Variants in LAPTM4B observed in about 807,000 individuals in gnomAD.
LAPTM4B encodes lysosomal protein transmembrane 4 beta.
LAPTM4B carries 26 observed loss-of-function variants against 28.5 expected under a neutral mutation model. The ratio of observed to expected loss-of-function variants is 0.91; its 90% CI spans 0.67 to 1.27. The LOEUF is 1.27. Among genes scored for constraint, LAPTM4B ranks in the 50% most tolerant of loss-of-function variants. LAPTM4B has a pLI of 0.00. For missense variants in LAPTM4B, 288 were observed against 285.8 expected (o/e 1.01, Z -0.06); for synonymous variants, 109 against 106.4 (o/e 1.02, Z -0.15).
chr8:97,789,588 T>C (rs1816467076), intron 1 of LAPTM4B, among the ~76,000 whole-genome samples: 1 of 150,908 alleles, frequency 6.6e-6, no homozygotes. Context: ...AGTGCAATGG[T>C]GTGATCTCGG....
chr8:97,780,900 C>T (rs1028366498), intron 1 of LAPTM4B, among the ~76,000 whole-genome samples: 2 of 151,724 alleles, frequency 1.3e-5, no homozygotes, highest in Non-Finnish European at 2.9e-5. Flanking sequence ...TTCTGGGCCA[C>T]GCTAACTTTG....
At chr8:97,831,847 G>C (rs148836302) in intron 6 of LAPTM4B, among the ~76,000 whole-genome samples, 1 of 152,266 alleles carries the variant, frequency 6.6e-6, no homozygotes, top group Non-Finnish European at 1.5e-5. Flanking sequence ...ATGTTTTTTG[G>C]TGCCCTTTGC....
At chr8:97,813,401 A>C (rs1281981351) in intron 2 of LAPTM4B, among the ~76,000 whole-genome samples, 1 of 152,248 alleles carries the variant, frequency 6.6e-6, no homozygotes, top group Non-Finnish European at 1.5e-5. Flanking sequence ...TACCTGCTTT[A>C]TTCTAGCCAG....
chr8:97,828,873 C>T (rs1002438438), intron 6 of LAPTM4B, among the ~76,000 whole-genome samples: 6 of 152,182 alleles, frequency 3.9e-5, no homozygotes, highest in South Asian at 2.1e-4. Flanking sequence ...GGGAATTCAT[C>T]GAATGACTCT....
chr8:97,795,476 T>C (rs1370005446), intron 1 of LAPTM4B, among the ~76,000 whole-genome samples: 1 of 152,180 alleles, frequency 6.6e-6, no homozygotes, highest in Non-Finnish European at 1.5e-5. Flanking sequence ...AAGCTATCAC[T>C]AAGCAAAGAC....
chr8:97,842,905 GTC>G (rs1817374493), intron 6 of LAPTM4B, among the ~76,000 whole-genome samples: 1 of 150,470 alleles, frequency 6.6e-6, no homozygotes, highest in Non-Finnish European at 1.5e-5. Flanking sequence ...TAAAGACAGA[GTC>G]TCACGCTCTC....
At chr8:97,790,474 G>T (rs1043298940) in intron 1 of LAPTM4B, among the ~76,000 whole-genome samples, 1 of 151,550 alleles carries the variant, frequency 6.6e-6, no homozygotes, top group African/African-American at 2.4e-5. Flanking sequence ...ACCATGCCTG[G>T]CTAATTTTTG....
At chr8:97,781,695 C>T (rs1300982483) in intron 1 of LAPTM4B, among the ~76,000 whole-genome samples, 1 of 152,188 alleles carries the variant, frequency 6.6e-6, no homozygotes, top group Non-Finnish European at 1.5e-5. Context: ...CCCAGTTAAT[C>T]CCTGCCATAT....
chr8:97,851,625 T>C lies in LAPTM4B; in HGVS notation c.*151T>C. 1.5e-6 allele frequency: 1 copy of C among 647,536 alleles called. No homozygotes were observed. The highest frequency in any genetic ancestry group is 2.7e-6 in the Non-Finnish European group (1 of 364,102). The allele number at this position is 647,536 out of a possible 1,614,324, so 40.1% of individuals were successfully genotyped here. A position where few individuals can be genotyped will look rare whatever the true frequency, so the allele number is the denominator to read the frequency against. On this transcript the variant is annotated 3_prime_UTR_variant, in exon 7 of 7. Coordinates refer to ENST00000521545, the MANE Select transcript of LAPTM4B (RefSeq NM_018407.6). ...AATTTAGATGTTAGATTGAAAACTG[T>C]AGTTTTCAACATATGCTTTGCTGGA...
intron 6 of LAPTM4B, among the ~76,000 whole-genome samples, chr8:97,841,750 T>A (rs1269033313): frequency 6.6e-6 from 1 of 152,052 alleles, no homozygotes. Flanking sequence ...CTTCCCTGTT[T>A]GGCTTAAGTA....
At chr8:97,835,322 T>A (rs1817244030) in intron 6 of LAPTM4B, among the ~76,000 whole-genome samples, 1 of 152,122 alleles carries the variant, frequency 6.6e-6, no homozygotes, top group Admixed American at 6.5e-5. Flanking sequence ...GTATACATAT[T>A]ATTATCCAGA....
intron 5 of LAPTM4B, among the ~76,000 whole-genome samples, chr8:97,821,205 G>A (rs1037617087): frequency 4.6e-5 from 7 of 151,974 alleles, no homozygotes; most frequent in East Asian, 2.0e-4. Context: ...GCATGGTGGC[G>A]GGCGCCTGTA....
At chr8:97,807,462 A>T (rs551076026) in intron 2 of LAPTM4B, among the ~76,000 whole-genome samples, 2 of 152,298 alleles carry the variant, frequency 1.3e-5, no homozygotes, top group South Asian at 4.1e-4. Context: ...AGTGCGTAAA[A>T]CATGCTTAGA....
intron 6 of LAPTM4B, among the ~76,000 whole-genome samples, chr8:97,849,883 G>C (rs1466100674): frequency 6.7e-6 from 1 of 148,340 alleles, no homozygotes; most frequent in African/African-American, 2.6e-5. Flanking sequence ...TGCTCCCCAG[G>C]GCCCAGTGCG....
intron 1 of LAPTM4B, among the ~76,000 whole-genome samples, chr8:97,795,586 C>A (rs1321097918): frequency 2.6e-5 from 4 of 152,112 alleles, no homozygotes; most frequent in Non-Finnish European, 5.9e-5. Context: ...GGCGTGGTGG[C>A]TCACACCTGT....
intron 6 of LAPTM4B, among the ~76,000 whole-genome samples, chr8:97,844,076 G>A (rs1817392731): frequency 6.7e-6 from 1 of 150,018 alleles, no homozygotes; most frequent in Non-Finnish European, 1.5e-5. Context: ...GTCTTATTTT[G>A]CGTGATGATT....
intron 2 of LAPTM4B, among the ~76,000 whole-genome samples, chr8:97,809,045 C>T (rs1228523511): frequency 6.6e-6 from 1 of 152,078 alleles, no homozygotes. Flanking sequence ...ACCACAAAGG[C>T]ACTGGAATTA....
At chr8:97,824,236 A>G (rs1339964924) in intron 5 of LAPTM4B, among the ~76,000 whole-genome samples, 1 of 151,988 alleles carries the variant, frequency 6.6e-6, no homozygotes, top group Non-Finnish European at 1.5e-5. Flanking sequence ...TCCTGTTGTA[A>G]CTCTGTTTAA....
chr8:97,799,561 G>C (rs958212624), intron 1 of LAPTM4B, among the ~76,000 whole-genome samples: 15 of 152,182 alleles, frequency 9.9e-5, no homozygotes, highest in African/African-American at 3.6e-4. Context: ...AGTCTAGTAT[G>C]TTGAGGCCCT....
Sources: allele counts gnomAD v4.1 joint callset (sites outside exome capture counted in the v4.1 genomes callset), GRCh38; gene constraint gnomAD v4.1.1; transcripts MANE v1.5; gene names NCBI Gene and HGNC (gene_info 2026-07-23, HGNC 2026-07-21).